Variants in ADCK1 observed in about 807,000 individuals in gnomAD.
ADCK1 encodes aarF domain-containing protein kinase 1.
A neutral mutation model predicts 52.3 loss-of-function variants in ADCK1; 41 were observed. The ratio of observed to expected loss-of-function variants is 0.78; its 90% confidence interval spans 0.61 to 1.02. The LOEUF is 1.02. ADCK1 is among the 50% of genes least tolerant of loss of function. The probability of loss-of-function intolerance (pLI) is 0.00; values close to 1 mark genes in which losing one functional copy is unlikely to be tolerated. For synonymous variants in ADCK1, 250 were observed against 274.6 expected (o/e 0.91, Z 0.89); for missense variants, 658 against 679.5 (o/e 0.97, Z 0.35).
rs573617189 is a variant in ADCK1, at chr14:77,811,842, A to G, written c.-11-7126A>G. 1.8e-4 allele frequency among the ~76,000 whole-genome samples: 27 copies of G among 152,248 alleles called. No homozygotes were observed. The South Asian group carries it at 5.2e-3, about 29-fold the overall frequency. ...CAACAACAGCAAGAAAAACAATGAT[A>G]ACACCCAAAAATAATCCTTGGCTTA... On this transcript the variant is annotated intron_variant, in intron 1 of 10. Coordinates refer to ENST00000238561, the MANE Select transcript of ADCK1 (RefSeq NM_020421.4).
At chr14:77,857,523 G>A (rs2082444613) in intron 3 of ADCK1, among the ~76,000 whole-genome samples, 1 of 151,984 alleles carries the variant, frequency 6.6e-6, no homozygotes, top group African/African-American at 2.4e-5. Context: ...TTCATCCTCT[G>A]CCTGCCCAAC....
intron 7 of ADCK1, chr14:77,924,192 C>T (rs2084128165): frequency 4.8e-6 from 2 of 414,124 alleles, no homozygotes; most frequent in Non-Finnish European, 8.8e-6. Context: ...CTACCTAATC[C>T]CATGTTCACG....
intron 7 of ADCK1, among the ~76,000 whole-genome samples, chr14:77,915,145 T>C (rs2083888057): frequency 6.6e-6 from 1 of 152,126 alleles, no homozygotes; most frequent in Non-Finnish European, 1.5e-5. Context: ...AAACATCTTC[T>C]TCCATTGTCC....
At chr14:77,883,116 G>A (rs2083068958) in intron 4 of ADCK1, among the ~76,000 whole-genome samples, 3 of 152,068 alleles carry the variant, frequency 2.0e-5, no homozygotes, top group African/African-American at 7.2e-5. Context: ...CGATATATTT[G>A]AATCACGGGC....
intron 3 of ADCK1, among the ~76,000 whole-genome samples, chr14:77,824,704 G>A (rs551761184): frequency 6.6e-6 from 1 of 152,206 alleles, no homozygotes; most frequent in East Asian, 1.9e-4. Context: ...AAAGTGCTGA[G>A]ATTACAGGCG....
At chr14:77,855,737 A>G (rs1220562415) in intron 3 of ADCK1, among the ~76,000 whole-genome samples, 1 of 152,176 alleles carries the variant, frequency 6.6e-6, no homozygotes, top group Admixed American at 6.5e-5. Flanking sequence ...CCAAATTAGG[A>G]AAGAGATGCT....
chr14:77,904,713 T>A (rs1335227746), intron 6 of ADCK1, among the ~76,000 whole-genome samples: 1 of 152,164 alleles, frequency 6.6e-6, no homozygotes, highest in Non-Finnish European at 1.5e-5. Context: ...GGGAGGCCTC[T>A]GCTCTGTGGC....
chr14:77,832,839 CA>C (rs1053544400), intron 3 of ADCK1, among the ~76,000 whole-genome samples: 1 of 152,184 alleles, frequency 6.6e-6, no homozygotes, highest in African/African-American at 2.4e-5. Context: ...TGTTTGTCTG[CA>C]AAGGGAACTG....
At chr14:77,904,670 C>T (rs1047862083) in intron 6 of ADCK1, among the ~76,000 whole-genome samples, 2 of 152,200 alleles carry the variant, frequency 1.3e-5, no homozygotes, top group African/African-American at 4.8e-5. Context: ...TCCAGATTGG[C>T]ATCCGTGTGG....
At chr14:77,886,628 C>CA (rs951516821) in intron 4 of ADCK1, among the ~76,000 whole-genome samples, 20 of 152,052 alleles carry the variant, frequency 1.3e-4, no homozygotes, top group Non-Finnish European at 2.2e-4. Context: ...ACTGATAAAG[C>CA]AAAAAAATCT....
Position 77,899,147 on chromosome 14 carries a change from G to T in ADCK1, c.630G>T (p.Met210Ile). ...VKQLFPEFEF[M>I]WLVDEAKKNL... Reference sequence around the variant, plus strand: ...AGCTGTTCCCAGAGTTTGAGTTTATGTGGCTTGTGGATGAAGCCAAGAAGA... The same window carrying T: ...AGCTGTTCCCAGAGTTTGAGTTTATTTGGCTTGTGGATGAAGCCAAGAAGA... The change falls in exon 6 of 11, where the codon ATG (methionine) becomes ATT (isoleucine). Residue 210 changes from methionine (M) to isoleucine (I), a missense_variant. By Grantham distance (10) the Met-to-Ile change is conservative (BLOSUM62 1). Transcript: ENST00000238561. 1 of 1,614,188 alleles carries T rather than the reference G, an allele frequency of 6.2e-7. No individual in the cohort carries two copies. The highest frequency in any genetic ancestry group is 8.5e-7 in the Non-Finnish European group (1 of 1,180,024).
rs369801424 is a variant in ADCK1 at position 77,891,023 on chromosome 14, A to C, written c.582+3774A>C. ...TTAGCCTTTGTTTCGAGCCCAGTGG[A>C]AGGTGGGAAGGCTGGGTACAGATGA... On this transcript the variant is annotated intron_variant, in intron 5 of 10. Coordinates refer to ENST00000238561, the MANE Select transcript of ADCK1 (RefSeq NM_020421.4). Among the ~76,000 whole-genome samples the C allele has an allele frequency of 1.5e-4, 23 of 152,226 alleles. No individual in the cohort carries two copies. In the East Asian group the frequency reaches 2.3e-3, roughly 15 times the overall value.
At chr14:77,859,917 T>C (rs1215466456) in intron 4 of ADCK1, among the ~76,000 whole-genome samples, 1 of 152,262 alleles carries the variant, frequency 6.6e-6, no homozygotes, top group Non-Finnish European at 1.5e-5. Flanking sequence ...CCCATTGTGC[T>C]ACCTGTCTCA....
At chr14:77,895,818 G>A (rs1470768646) in intron 5 of ADCK1, among the ~76,000 whole-genome samples, 1 of 152,126 alleles carries the variant, frequency 6.6e-6, no homozygotes, top group Non-Finnish European at 1.5e-5. Flanking sequence ...CTTGAATTAT[G>A]TGCAAAATTA....
intron 6 of ADCK1, among the ~76,000 whole-genome samples, chr14:77,905,257 T>C (rs912040283): frequency 4.0e-5 from 6 of 148,990 alleles, no homozygotes; most frequent in African/African-American, 1.5e-4. Flanking sequence ...ACAGAGAAGC[T>C]CCAGCCTGTG....
chr14:77,918,337 C>T (rs1334469954), intron 7 of ADCK1, among the ~76,000 whole-genome samples: 1 of 152,228 alleles, frequency 6.6e-6, no homozygotes, highest in Admixed American at 6.5e-5. Flanking sequence ...TCCTCAGCAA[C>T]CTTCACCTAG....
chr14:77,857,150 C>A (rs1170754598), intron 3 of ADCK1, among the ~76,000 whole-genome samples: 1 of 151,866 alleles, frequency 6.6e-6, no homozygotes, highest in Non-Finnish European at 1.5e-5. Context: ...GCAGCAGTCT[C>A]TTCTGAGCAG....
intron 4 of ADCK1, 93 bp downstream of exon 4, chr14:77,859,372 A>G: frequency 7.6e-7 from 1 of 1,314,918 alleles, no homozygotes; most frequent in Non-Finnish European, 1.0e-6. Flanking sequence ...GGTGCTGGGG[A>G]TCCACCAGTG....
At chr14:77,864,950 T>C (rs1473052108) in intron 4 of ADCK1, among the ~76,000 whole-genome samples, 3 of 152,192 alleles carry the variant, frequency 2.0e-5, no homozygotes, top group Admixed American at 1.3e-4. Context: ...ACTCATGCTA[T>C]GGAGAGTAAT....
Sources: gnomAD v4.1 joint callset for allele counts (sites outside exome capture counted in the v4.1 genomes callset) on GRCh38, gnomAD v4.1.1 for gene constraint, MANE v1.5 for transcripts, NCBI Gene and HGNC (gene_info 2026-07-23, HGNC 2026-07-21) for gene names.